ZNF385D: variants seen among roughly 807,000 people sequenced by gnomAD.
ZNF385D encodes the protein zinc finger protein 385D.
In ZNF385D, 15 loss-of-function variants were observed where a neutral mutation model predicts 35.8. The ratio of observed to expected loss-of-function variants is 0.42; its 90% CI spans 0.28 to 0.64. The LOEUF (loss-of-function observed/expected upper bound fraction) is 0.64, where lower values mean the gene tolerates loss of function less well. ZNF385D is among the 30% of genes least tolerant of loss of function. The pLI is 0.23. For missense variants in ZNF385D, 474 were observed against 494.6 expected (o/e 0.96, Z 0.39); for synonymous variants, 212 against 186.8 (o/e 1.13, Z -1.10).
intron 3 of ZNF385D, among the ~76,000 whole-genome samples, chr3:22,165,286 G>A (rs912115226): frequency 6.6e-6 from 1 of 152,148 alleles, no homozygotes. Flanking sequence ...TTTCCACTCA[G>A]TTATGCTTGA....
intron 2 of ZNF385D, among the ~76,000 whole-genome samples, chr3:22,227,552 T>C (rs1262181782): frequency 6.6e-6 from 1 of 152,098 alleles, no homozygotes; most frequent in Non-Finnish European, 1.5e-5. Flanking sequence ...GAAGTCTCCA[T>C]AAAAGGCCTA....
At chr3:21,918,142 G>C (rs537112076) in intron 3 of ZNF385D, among the ~76,000 whole-genome samples, 3 of 152,252 alleles carry the variant, frequency 2.0e-5, no homozygotes, top group Non-Finnish European at 4.4e-5. Context: ...TCAATGTTTA[G>C]CCAAATTTTA....
At chr3:21,425,122 C>G (rs1180571387) in intron 6 of ZNF385D, among the ~76,000 whole-genome samples, 1 of 152,102 alleles carries the variant, frequency 6.6e-6, no homozygotes, top group Non-Finnish European at 1.5e-5. Context: ...CAAATTAAAA[C>G]GGAATACTGC....
At chr3:21,484,432 C>T (rs76030097) in intron 4 of ZNF385D, among the ~76,000 whole-genome samples, 2,067 of 152,276 alleles carry the variant, frequency 0.014, 24 homozygotes, top group Middle Eastern at 0.024. Flanking sequence ...CTATCTGCAC[C>T]GCAGGAGTCT....
At chr3:21,907,952 A>G (rs1302436343) in intron 3 of ZNF385D, among the ~76,000 whole-genome samples, 2 of 152,126 alleles carry the variant, frequency 1.3e-5, no homozygotes, top group African/African-American at 4.8e-5. Context: ...AAGGATAAGC[A>G]AACTATAGAA....
At chr3:21,924,317 C>T (rs1700618854) in intron 3 of ZNF385D, among the ~76,000 whole-genome samples, 1 of 152,142 alleles carries the variant, frequency 6.6e-6, no homozygotes, top group Admixed American at 6.6e-5. Flanking sequence ...CAGTAGTTAG[C>T]TTCCTGAGTT....
intron 3 of ZNF385D, among the ~76,000 whole-genome samples, chr3:21,968,871 C>A (rs181372219): frequency 6.6e-6 from 1 of 152,178 alleles, no homozygotes; most frequent in East Asian, 1.9e-4. Flanking sequence ...TGCCTCACAG[C>A]TTGGATACCA....
intron 1 of ZNF385D, among the ~76,000 whole-genome samples, chr3:21,711,039 G>GTTTTTTTCT (rs2068083310): frequency 1.2e-5 from 1 of 83,154 alleles, no homozygotes; most frequent in African/African-American, 5.1e-5. Context: ...CCCTCTAAAA[G>GTTTTTTTCT]TTTTTTTTTT....
chr3:21,497,840 C>T (rs924000022), intron 4 of ZNF385D, among the ~76,000 whole-genome samples: 10 of 152,128 alleles, frequency 6.6e-5, no homozygotes, highest in South Asian at 2.1e-4. Context: ...CAGAGTGAGA[C>T]GCTGTCTCAA....
chr3:22,168,461 T>A (rs528399237), intron 3 of ZNF385D: 2 of 152,174 alleles, frequency 1.3e-5, no homozygotes, highest in South Asian at 2.1e-4. Flanking sequence ...ATCCTGAATA[T>A]CTGCAGGAAT....
intron 3 of ZNF385D, among the ~76,000 whole-genome samples, chr3:21,770,535 T>C (rs1298902323): frequency 4.6e-5 from 7 of 152,072 alleles, no homozygotes; most frequent in Non-Finnish European, 8.8e-5. Flanking sequence ...AAAACCACAA[T>C]GAGATACCAT....
chr3:21,594,629 CAT>C (rs2064079338), intron 2 of ZNF385D, among the ~76,000 whole-genome samples: 1 of 152,142 alleles, frequency 6.6e-6, no homozygotes, highest in Non-Finnish European at 1.5e-5. Flanking sequence ...GCAGACATGA[CAT>C]AGCCACCGGG....
At chr3:21,564,962 T>C (rs2063090853) in intron 2 of ZNF385D, among the ~76,000 whole-genome samples, 1 of 152,224 alleles carries the variant, frequency 6.6e-6, no homozygotes, top group Admixed American at 6.5e-5. Flanking sequence ...CTCAGTTTAA[T>C]AACCCTTAAA....
intron 1 of ZNF385D, among the ~76,000 whole-genome samples, chr3:21,691,933 A>G (rs1414206481): frequency 6.6e-6 from 1 of 152,098 alleles, no homozygotes; most frequent in African/African-American, 2.4e-5. Flanking sequence ...CTTTGTCTCT[A>G]TGAATCTGAC....
At chr3:21,718,080 TG>T in intron 1 of ZNF385D, among the ~76,000 whole-genome samples, 1 of 152,176 alleles carries the variant, frequency 6.6e-6, no homozygotes, top group Admixed American at 6.5e-5. Flanking sequence ...TTGCTGGTGT[TG>T]GGACTGCACT....
At chr3:21,686,486 T>A (rs935657333) in intron 1 of ZNF385D, among the ~76,000 whole-genome samples, 1 of 152,206 alleles carries the variant, frequency 6.6e-6, no homozygotes, top group African/African-American at 2.4e-5. Flanking sequence ...CACATATGCA[T>A]TTTTGAATTT....
At chr3:22,215,473 C>T (rs775575263) in intron 2 of ZNF385D, among the ~76,000 whole-genome samples, 2 of 151,878 alleles carry the variant, frequency 1.3e-5, no homozygotes, top group South Asian at 2.1e-4. Context: ...CTTTTATGGT[C>T]GAGCTGTAAG....
intron 3 of ZNF385D, among the ~76,000 whole-genome samples, chr3:21,905,318 A>G (rs1699626186): frequency 6.6e-6 from 1 of 151,994 alleles, no homozygotes; most frequent in South Asian, 2.1e-4. Flanking sequence ...GCATAACTCA[A>G]GCTGTGATTA....
At chr3:22,151,608 G>A (rs1022448301) in intron 3 of ZNF385D, among the ~76,000 whole-genome samples, 6 of 152,104 alleles carry the variant, frequency 3.9e-5, no homozygotes, top group Admixed American at 3.3e-4. Flanking sequence ...TCTTGCTTGA[G>A]GAAAGTCAGT....
Sources: allele counts gnomAD v4.1 joint callset (sites outside exome capture counted in the v4.1 genomes callset), GRCh38; gene constraint gnomAD v4.1.1; transcripts MANE v1.5; gene names NCBI Gene and HGNC (gene_info 2026-07-23, HGNC 2026-07-21).